Variants in CREBBP observed in about 807,000 individuals in gnomAD.
The protein encoded by CREBBP is CREB binding lysine acetyltransferase.
A neutral mutation model predicts 265.0 loss-of-function variants in CREBBP; 19 were observed. That is an observed-to-expected ratio of 0.07 (90% confidence interval 0.05 to 0.11). The LOEUF is 0.11. Ranked by LOEUF, CREBBP falls within the 10% of genes least tolerant of loss-of-function variation. The pLI is 1.00. For missense variants in CREBBP, 2,525 were observed against 3,219.0 expected, an observed-to-expected ratio of 0.78 and a Z score of 5.22; for synonymous variants, 1,457 against 1,223.7, an observed-to-expected ratio of 1.19 and a Z score of -3.98.
In CREBBP at chr16:3,778,915, C is replaced by T. The variant is rs2053208582; in HGVS notation, c.1824-98G>A. ...GGCGCGGTGGCTCACGCTTGTAATCCCAGCACTTTGGGAGGCTGAGGCGGG... is the reference window on the plus strand; with the variant it reads ...GGCGCGGTGGCTCACGCTTGTAATCTCAGCACTTTGGGAGGCTGAGGCGGG... On this transcript the variant is annotated intron_variant, in intron 8 of 30. Transcript: ENST00000262367. 4.0e-6 allele frequency: 4 copies of T among 1,004,088 alleles called. No individual in the cohort carries two copies. In the Admixed American group the frequency reaches 7.1e-5, roughly 18 times the overall value. 62.2% of individuals were successfully genotyped at this position (1,004,088 alleles called of 1,614,324 possible).
chr16:3,732,679 G>A (rs934458206), intron 28 of CREBBP, among the ~76,000 whole-genome samples: 1 of 152,060 alleles, frequency 6.6e-6, no homozygotes, highest in African/African-American at 2.4e-5. Flanking sequence ...TGGGATTATA[G>A]GCACCCGCCA....
At chr16:3,876,423 A>AC (rs1555500085) in intron 1 of CREBBP, among the ~76,000 whole-genome samples, 1 of 150,554 alleles carries the variant, frequency 6.6e-6, no homozygotes, top group African/African-American at 2.4e-5. Flanking sequence ...AAAAAAAAAA[A>AC]AAACAACCCA....
chr16:3,779,575 C>A lies in CREBBP; in HGVS notation c.1824-758G>T, dbSNP rs78740826. On this transcript the variant is annotated intron_variant, in intron 8 of 30. Coordinates refer to ENST00000262367, the MANE Select transcript of CREBBP (RefSeq NM_004380.3). ...GAGAAATGCCAAGCCTCTCTTGCCT[C>A]GCATGTCAATACATGAATGAAGTTA... Among the ~76,000 whole-genome samples the A allele has an allele frequency of 7.6e-3, 1,161 of 152,310 alleles. 13 individuals carry two copies. The highest frequency in any genetic ancestry group is 0.034 in the Middle Eastern group (10 of 294).
At chr16:3,774,801 C>T in intron 11 of CREBBP, 108 bp from the exon 12 acceptor site, 1 of 1,384,430 alleles carries the variant, frequency 7.2e-7, no homozygotes, top group African/African-American at 1.4e-5. Flanking sequence ...GCACAGGCAA[C>T]AGAAAACTGA....
intron 2 of CREBBP, among the ~76,000 whole-genome samples, chr16:3,823,972 A>G (rs2141388991): frequency 6.6e-6 from 1 of 151,972 alleles, no homozygotes; most frequent in Non-Finnish European, 1.5e-5. Context: ...ACACACACAC[A>G]CACACACACA....
chr16:3,793,646 T>C lies in CREBBP; in HGVS notation c.976-20A>G, dbSNP rs758100923. 181 of 1,610,958 alleles carry C rather than the reference T, an allele frequency of 1.1e-4. No homozygotes were observed. Among genetic ancestry groups the C allele is most frequent in the Non-Finnish European group, 1.5e-4 (174 of 1,179,340 alleles). ...CTGAGACTAAAATAAAGCAAAATAA[T>C]AAAAATACTTTAACCTCTCAGAGTT... On this transcript the variant is annotated intron_variant, in intron 3 of 30. Transcript: ENST00000262367.
At position 3,746,283 on chromosome 16, in the gene CREBBP, T is replaced by C. The variant is rs891831069; in HGVS notation, c.3837-929A>G. 7.9e-5 allele frequency among the ~76,000 whole-genome samples: 12 copies of C among 151,918 alleles called. No individual in the cohort carries two copies. The East Asian group carries it at 2.3e-3, about 29-fold the overall frequency. On this transcript the variant is annotated intron_variant, in intron 21 of 30. Transcript: ENST00000262367. ...TGCTATGCAAGCCCTCAGCCATGGGTCTACCCTCATCTGGCTTCTCTGCCC... is the reference window on the plus strand; with the variant it reads ...TGCTATGCAAGCCCTCAGCCATGGGCCTACCCTCATCTGGCTTCTCTGCCC...
intron 14 of CREBBP, among the ~76,000 whole-genome samples, chr16:3,770,301 C>T (rs905382087): frequency 6.6e-6 from 1 of 152,146 alleles, no homozygotes; most frequent in African/African-American, 2.4e-5. Context: ...CCCACCTAAG[C>T]CTTCTGAGTG....
chr16:3,814,250 T>C (rs955256930), intron 2 of CREBBP, among the ~76,000 whole-genome samples: 1 of 146,438 alleles, frequency 6.8e-6, no homozygotes, highest in Non-Finnish European at 1.5e-5. Flanking sequence ...TGTGTGTGTG[T>C]GTGTGTGTGT....
rs375548152 is a variant in CREBBP at position 3,849,934 on chromosome 16, C to T, written c.798+363G>A. Among the ~76,000 whole-genome samples, 26 of 152,200 alleles carry T rather than the reference C, an allele frequency of 1.7e-4. No individual in the cohort carries two copies. The East Asian group carries it at 3.3e-3, about 19-fold the overall frequency. Reference sequence around the variant, plus strand: ...GCTTTCTCATTCAGTGAAATGGATACTGTGCCAACAGATACTTCACTGGAT... The same window carrying T: ...GCTTTCTCATTCAGTGAAATGGATATTGTGCCAACAGATACTTCACTGGAT... On this transcript the variant is annotated intron_variant, in intron 2 of 30. Transcript: ENST00000262367.
chr16:3,770,961 G>T lies in CREBBP; in HGVS notation c.2489C>A (p.Pro830His). The T allele has an allele frequency of 6.2e-7, 1 of 1,613,660 alleles. No individual in the cohort carries two copies. The highest frequency in any genetic ancestry group is 1.3e-5 in the African/African-American group (1 of 75,038). The change falls in exon 14 of 31, where the codon CCT (proline) becomes CAT (histidine). Residue 830 changes from proline (P) to histidine (H), a missense_variant. Physicochemically the swap from Pro to His is moderately conservative, Grantham distance 77 (BLOSUM62 -2). Coordinates refer to ENST00000262367, the MANE Select transcript of CREBBP (RefSeq NM_004380.3). ...SQGQVPGAAL[P>H]NPLNMLGPQA... ...AGGCCCCAGCATGTTGAGAGGGTTA[G>T]GAAGAGCAGCACCAGGCACCTGTCC...
chr16:3,728,216 C>T lies in CREBBP; in HGVS notation c.6831G>A (p.Pro2277=), dbSNP rs778189658. The T allele has an allele frequency of 1.7e-5, 27 of 1,613,358 alleles. No homozygotes were observed. Among genetic ancestry groups the T allele is most frequent in the Middle Eastern group, 1.7e-4 (1 of 6,042 alleles). ...QMGQLGQMGQ[P]GLGADSTPNI... ...TGGGGGTGCTGTCTGCCCCCAGCCC[C>T]GGCTGCCCCATCTGGCCAAGCTGTC... The change falls in exon 31 of 31, where the codon CCG becomes CCA. Residue 2277 remains proline (P), a synonymous_variant. Coordinates refer to ENST00000262367, the MANE Select transcript of CREBBP (RefSeq NM_004380.3). The surrounding 1 kb of genome is among the most constrained non-coding windows in gnomAD (Gnocchi z 8.7).
chr16:3,825,830 G>GT (rs2054226332), intron 2 of CREBBP, among the ~76,000 whole-genome samples: 1 of 152,162 alleles, frequency 6.6e-6, no homozygotes, highest in African/African-American at 2.4e-5. Flanking sequence ...AGAGAAAACT[G>GT]TAACGGAAAA....
At chr16:3,842,967 C>CAAAAAAAAAAAAAAAAAA (rs59990532) in intron 2 of CREBBP, among the ~76,000 whole-genome samples, 3 of 65,230 alleles carry the variant, frequency 4.6e-5, no homozygotes, top group African/African-American at 1.9e-4. Flanking sequence ...ACTCCCATCT[C>CAAAAAAAAAAAAAAAAAA]AAAAAAAAAA....
At chr16:3,786,102 C>A (rs1000729228) in intron 5 of CREBBP, among the ~76,000 whole-genome samples, 7 of 152,246 alleles carry the variant, frequency 4.6e-5, no homozygotes, top group African/African-American at 1.7e-4. Context: ...GTGGCTCATG[C>A]CTGTAATCCC....
chr16:3,819,120 T>C (rs1163663384), intron 2 of CREBBP, among the ~76,000 whole-genome samples: 2 of 152,278 alleles, frequency 1.3e-5, no homozygotes, highest in Non-Finnish European at 2.9e-5. Context: ...CCAATGCCTC[T>C]TTCTGAAAAA....
intron 1 of CREBBP, among the ~76,000 whole-genome samples, chr16:3,855,486 A>T (rs1278277563): frequency 6.6e-6 from 1 of 152,122 alleles, no homozygotes; most frequent in African/African-American, 2.4e-5. Flanking sequence ...GCTGGTTTCG[A>T]ACTTCTGACC....
In CREBBP at chr16:3,731,859, C is replaced by T. The variant is rs375557093; in HGVS notation, c.4807G>A (p.Ala1603Thr). Residue 1603 changes from alanine (A) to threonine (T), a missense_variant, in exon 29 of 31, where the codon GCC (alanine) becomes ACC (threonine). This residue lies in a region of CREBBP where 93 missense variants were observed against 161.5 expected (regional missense o/e 0.58). Transcript: ENST00000262367. This position sits in a 1 kb window ranked among gnomAD's most constrained non-coding sequence, Gnocchi z 7.7. ...GGCATGCTGGGCTTCTTCTTGTTGG[C>T]GCGGCTGATGCTGCTTTTGTTCTTG... ...TNKNKSSISR[A>T]NKKKPSMPNV... The T allele has an allele frequency of 1.3e-5, 21 of 1,614,114 alleles. 1 individual carries two copies. Among genetic ancestry groups the T allele is most frequent in the Middle Eastern group, 1.6e-4 (1 of 6,084 alleles).
rs370126467 is a variant in CREBBP at position 3,850,257 on chromosome 16, G to C, written c.798+40C>G. 8.7e-6 allele frequency: 14 copies of C among 1,606,356 alleles called. 1 individual carries two copies. The South Asian group carries it at 1.4e-4, about 16-fold the overall frequency. On this transcript the variant is annotated intron_variant, in intron 2 of 30. Transcript: ENST00000262367. ...CGCATTACTCGGAGGGAAAGCCCGC[G>C]GTTAGGTAGGAAGTATTGAAAGTGC...
Sources: allele counts gnomAD v4.1 joint callset (sites outside exome capture counted in the v4.1 genomes callset), GRCh38; gene constraint gnomAD v4.1.1; regional missense constraint gnomAD v4.1.1; non-coding constraint Gnocchi (gnomAD v3.1); transcripts MANE v1.5; gene names NCBI Gene and HGNC (gene_info 2026-07-23, HGNC 2026-07-21).